PLCB1: variants seen among roughly 807,000 people sequenced by gnomAD.
PLCB1 encodes phospholipase C beta 1, also known as 1-phosphatidylinositol 4,5-bisphosphate phosphodiesterase beta-1.
Under a neutral mutation model 161.8 loss-of-function variants are expected in PLCB1, and 46 were observed. The ratio of observed to expected loss-of-function variants is 0.28; its 90% confidence interval spans 0.22 to 0.36. The LOEUF is 0.36. PLCB1 is among the 10% of genes least tolerant of loss of function. The probability of loss-of-function intolerance (pLI) is 1.00; values close to 1 mark genes in which losing one functional copy is unlikely to be tolerated. For missense variants in PLCB1, 1,016 were observed against 1,472.5 expected (o/e 0.69, Z 5.07); for synonymous variants, 517 against 503.7 (o/e 1.03, Z -0.35).
intron 2 of PLCB1, among the ~76,000 whole-genome samples, chr20:8,153,472 G>A (rs2051529443): frequency 6.6e-6 from 1 of 152,114 alleles, no homozygotes. Flanking sequence ...CCTACATTAG[G>A]CTATAACTTT....
chr20:8,790,180 A>G lies in PLCB1; in HGVS notation c.3342A>G (p.Glu1114=). 6.2e-7 allele frequency: 1 copy of G among 1,608,674 alleles called. No individual in the cohort carries two copies. The change falls in exon 31 of 32, where the codon GAA becomes GAG. Residue 1114 remains glutamate, a synonymous_variant. Coordinates refer to ENST00000338037, the MANE Select transcript of PLCB1 (RefSeq NM_015192.4). ...TTCTTGTAACTTTCTTATAGCTAGA[A>G]GAAGCGCAAAGTAAACGGCAAGAAA... ...QEVVQYIKRL[E]EAQSKRQEKL... is the part of the protein sequence containing the mutation.
intron 2 of PLCB1, among the ~76,000 whole-genome samples, chr20:8,195,512 TC>T (rs982483585): frequency 5.3e-5 from 8 of 152,064 alleles, no homozygotes; most frequent in African/African-American, 1.7e-4. Context: ...ATCCTCTTCA[TC>T]CAACTTCCCC....
rs149933981 is a variant in PLCB1, at chr20:8,504,578, C to A, written c.247-123716C>A. On this transcript the variant is annotated intron_variant, in intron 3 of 31. Transcript: ENST00000338037. Reference sequence around the variant, plus strand: ...TAGGTGAGTATGCTTTAACCCCCTGCCCCAACTTCCTCCTCTTTCTTTGTT... The same window carrying A: ...TAGGTGAGTATGCTTTAACCCCCTGACCCAACTTCCTCCTCTTTCTTTGTT... Among the ~76,000 whole-genome samples the A allele has an allele frequency of 3.0e-4, 45 of 152,216 alleles. 1 individual carries two copies. In the East Asian group the frequency reaches 8.3e-3, roughly 28 times the overall value.
At chr20:8,158,265 A>G (rs1356349448) in intron 2 of PLCB1, among the ~76,000 whole-genome samples, 2 of 152,222 alleles carry the variant, frequency 1.3e-5, no homozygotes, top group Non-Finnish European at 2.9e-5. Flanking sequence ...TTTTGTTTGA[A>G]TTACAAATGT....
At chr20:8,389,509 A>G (rs1987528340) in intron 3 of PLCB1, among the ~76,000 whole-genome samples, 1 of 152,226 alleles carries the variant, frequency 6.6e-6, no homozygotes, top group Admixed American at 6.5e-5. Flanking sequence ...TAGTACCATG[A>G]GTTAATGAAA....
At chr20:8,293,814 G>A (rs1291328460) in intron 2 of PLCB1, among the ~76,000 whole-genome samples, 1 of 152,108 alleles carries the variant, frequency 6.6e-6, no homozygotes, top group Non-Finnish European at 1.5e-5. Flanking sequence ...CCAGTGAAAG[G>A]GATAGCAGAG....
chr20:8,214,597 A>G (rs1979019322), intron 2 of PLCB1, among the ~76,000 whole-genome samples: 1 of 151,904 alleles, frequency 6.6e-6, no homozygotes, highest in Non-Finnish European at 1.5e-5. Flanking sequence ...ACAGCCCAAT[A>G]CCCTGTGTCT....
At chr20:8,834,933 G>T (rs6118346) in intron 31 of PLCB1, among the ~76,000 whole-genome samples, 42,464 of 150,464 alleles carry the variant, frequency 0.28, 6,209 homozygotes, top group Middle Eastern at 0.41. Context: ...GTTAACCTTT[G>T]TTCTATTCAG....
chr20:8,511,968 T>A (rs1983911266), intron 3 of PLCB1, among the ~76,000 whole-genome samples: 1 of 152,182 alleles, frequency 6.6e-6, no homozygotes, highest in Non-Finnish European at 1.5e-5. Flanking sequence ...TTTCTCTCGC[T>A]CTGGGTTGTC....
chr20:8,132,629 G>A lies in PLCB1; in HGVS notation c.-23G>A, dbSNP rs759890230. 5.7e-6 allele frequency: 9 copies of A among 1,572,628 alleles called. No homozygotes were observed. In the East Asian group the frequency reaches 1.9e-4, roughly 33 times the overall value. On this transcript the variant is annotated 5_prime_UTR_variant, in exon 1 of 32. Transcript: ENST00000338037. This position sits in a 1 kb window ranked among gnomAD's most constrained non-coding sequence, Gnocchi z 5.2. ...AGTCCCTGCCGCGCTCGCCCGGGCCGCCCGGAGCCCAGATGAGCCCAGATG... is the reference window on the plus strand; with the variant it reads ...AGTCCCTGCCGCGCTCGCCCGGGCCACCCGGAGCCCAGATGAGCCCAGATG...
rs1985559301 is a variant in PLCB1 at position 8,546,589 on chromosome 20, T to C, written c.247-81705T>C. Among the ~76,000 whole-genome samples, 3 of 152,156 alleles carry C rather than the reference T, an allele frequency of 2.0e-5. No homozygotes were observed. The South Asian group carries it at 6.2e-4, about 31-fold the overall frequency. On this transcript the variant is annotated intron_variant, in intron 3 of 31. Coordinates refer to ENST00000338037, the MANE Select transcript of PLCB1 (RefSeq NM_015192.4). ...AGGGGGGAGGTAATGTAATGCAACC[T>C]GTGTTTCTAAAGCACAATCACACTA...
At chr20:8,638,032 A>T (rs553196666) in intron 4 of PLCB1, among the ~76,000 whole-genome samples, 19 of 152,266 alleles carry the variant, frequency 1.2e-4, no homozygotes, top group African/African-American at 4.3e-4. Flanking sequence ...AGTAGCTGGG[A>T]CTACAGGCAC....
intron 2 of PLCB1, among the ~76,000 whole-genome samples, chr20:8,184,938 C>T (rs183222257): frequency 0.012 from 1,788 of 151,988 alleles, 37 homozygotes; most frequent in African/African-American, 0.039. Context: ...CTATCCCTCC[C>T]CTAGCCCCCC....
chr20:8,692,148 T>C (rs979214390), intron 10 of PLCB1, among the ~76,000 whole-genome samples: 1 of 152,184 alleles, frequency 6.6e-6, no homozygotes, highest in African/African-American at 2.4e-5. Flanking sequence ...TCCCCAATAA[T>C]CTGATGAATT....
chr20:8,242,195 A>T (rs1393496475), intron 2 of PLCB1, among the ~76,000 whole-genome samples: 2 of 151,756 alleles, frequency 1.3e-5, no homozygotes, highest in African/African-American at 2.4e-5. Context: ...TCTCTGCAGA[A>T]TGGCTTATTT....
chr20:8,278,276 TAAATATATATTTATATAATATATAA>T (rs1186060224), intron 2 of PLCB1, among the ~76,000 whole-genome samples: 2 of 147,192 alleles, frequency 1.4e-5, no homozygotes, highest in Non-Finnish European at 3.0e-5. Flanking sequence ...ATATATTATA[TAAATATATATTTATATAATATATAA>T]AAATATATAT....
At chr20:8,756,915 G>A in intron 23 of PLCB1, 131 bp from the exon 24 acceptor site, 4 of 820,774 alleles carry the variant, frequency 4.9e-6, no homozygotes, top group Admixed American at 2.9e-5. Context: ...GCTTTCCAGG[G>A]AGTATCAAAT....
chr20:8,591,974 T>C (rs559917692), intron 3 of PLCB1, among the ~76,000 whole-genome samples: 2 of 152,362 alleles, frequency 1.3e-5, no homozygotes, highest in South Asian at 4.1e-4. Flanking sequence ...CATCGTGAGA[T>C]ATCTCGGAGG....
At chr20:8,231,410 T>G (rs1980027682) in intron 2 of PLCB1, among the ~76,000 whole-genome samples, 1 of 152,174 alleles carries the variant, frequency 6.6e-6, no homozygotes, top group African/African-American at 2.4e-5. Flanking sequence ...AAATGTTCCC[T>G]GGGGAGCAAA....
Sources: gnomAD v4.1 joint callset for allele counts (sites outside exome capture counted in the v4.1 genomes callset) on GRCh38, gnomAD v4.1.1 for gene constraint, Gnocchi (gnomAD v3.1) non-coding constraint, MANE v1.5 for transcripts, NCBI Gene and HGNC (gene_info 2026-07-23, HGNC 2026-07-21) for gene names.